The following DLGAP1 variants were observed in gnomAD, a reference collection of about 807,000 sequenced individuals.
DLGAP1 encodes the protein disks large-associated protein 1.
In DLGAP1, 11 loss-of-function variants were observed where a neutral mutation model predicts 90.8. That is an observed-to-expected ratio of 0.12 (90% CI 0.08 to 0.20). The LOEUF (loss-of-function observed/expected upper bound fraction) is 0.20. Among genes scored for constraint, DLGAP1 ranks in the 10% least tolerant of loss-of-function variants. The probability of loss-of-function intolerance (pLI) is 1.00; values close to 1 mark genes in which losing one functional copy is unlikely to be tolerated. For synonymous variants in DLGAP1, 558 were observed against 540.7 expected, an observed-to-expected ratio of 1.03 and a Z score of -0.44; for missense variants, 1,050 against 1,333.8, an observed-to-expected ratio of 0.79 and a Z score of 3.31.
intron 7 of DLGAP1, among the ~76,000 whole-genome samples, chr18:3,623,672 G>A (rs911788199): frequency 5.9e-5 from 9 of 151,562 alleles, no homozygotes; most frequent in Non-Finnish European, 1.2e-4. Context: ...AGCTACTCAG[G>A]AGCCTGAGGC....
intron 7 of DLGAP1, among the ~76,000 whole-genome samples, chr18:3,600,847 G>GATATATAGATATATAGATATATAGAT (rs2056917928): frequency 3.7e-5 from 1 of 27,322 alleles, no homozygotes; most frequent in Non-Finnish European, 7.9e-5. Context: ...GATATATATA[G>GATATATAGATATATAGATATATAGAT]ATATATAGAT....
At chr18:4,348,644 A>C (rs993515429) in intron 1 of DLGAP1, among the ~76,000 whole-genome samples, 1 of 152,062 alleles carries the variant, frequency 6.6e-6, no homozygotes, top group African/African-American at 2.4e-5. Flanking sequence ...GAATGGGTAG[A>C]TATTAGCGGG....
chr18:3,726,264 T>C (rs1426324011), intron 7 of DLGAP1, among the ~76,000 whole-genome samples: 1 of 152,248 alleles, frequency 6.6e-6, no homozygotes, highest in Non-Finnish European at 1.5e-5. Flanking sequence ...AAGTCATTTC[T>C]CAATTTTCAT....
At chr18:3,688,210 C>T (rs1377126497) in intron 7 of DLGAP1, among the ~76,000 whole-genome samples, 1 of 151,938 alleles carries the variant, frequency 6.6e-6, no homozygotes, top group Non-Finnish European at 1.5e-5. Flanking sequence ...CGCACCCGGC[C>T]CAGAGACTGT....
chr18:3,996,275 G>C (rs2074068280), intron 3 of DLGAP1, among the ~76,000 whole-genome samples: 1 of 151,986 alleles, frequency 6.6e-6, no homozygotes, highest in Non-Finnish European at 1.5e-5. Flanking sequence ...TAAAAACAAA[G>C]GCTTTCTACT....
intron 7 of DLGAP1, among the ~76,000 whole-genome samples, chr18:3,628,801 T>C (rs78447439): frequency 0.015 from 2,214 of 152,330 alleles, 63 homozygotes; most frequent in African/African-American, 0.05. Context: ...TTCACCTATA[T>C]TGTAATTACA....
intron 5 of DLGAP1, among the ~76,000 whole-genome samples, chr18:3,792,311 T>C (rs1384267709): frequency 6.6e-6 from 1 of 152,008 alleles, no homozygotes; most frequent in East Asian, 1.9e-4. Context: ...TGAAACCCTG[T>C]CTCTACTAAA....
At chr18:3,501,567 G>A (rs1488005485) in intron 12 of DLGAP1, among the ~76,000 whole-genome samples, 3 of 152,190 alleles carry the variant, frequency 2.0e-5, no homozygotes, top group South Asian at 2.1e-4. Flanking sequence ...TTGACCCCAA[G>A]AACCCTGAAA....
At chr18:4,086,782 A>G (rs929735342) in intron 2 of DLGAP1, among the ~76,000 whole-genome samples, 3 of 151,756 alleles carry the variant, frequency 2.0e-5, no homozygotes, top group Non-Finnish European at 4.4e-5. Flanking sequence ...AAGTCAGGTC[A>G]AGTTTGTTGA....
At chr18:4,011,275 C>A (rs567741820) in intron 2 of DLGAP1, among the ~76,000 whole-genome samples, 7 of 151,854 alleles carry the variant, frequency 4.6e-5, no homozygotes, top group Middle Eastern at 3.4e-3. Flanking sequence ...TTTATAAGTG[C>A]CACCGGAAGG....
intron 3 of DLGAP1, among the ~76,000 whole-genome samples, chr18:3,975,861 C>T (rs1017510984): frequency 2.0e-5 from 3 of 152,098 alleles, no homozygotes; most frequent in South Asian, 2.1e-4. Flanking sequence ...ACATGAGGTA[C>T]CTAGAGAAAT....
intron 3 of DLGAP1, among the ~76,000 whole-genome samples, chr18:3,996,168 A>C (rs1320405891): frequency 6.6e-6 from 1 of 152,116 alleles, no homozygotes; most frequent in African/African-American, 2.4e-5. Flanking sequence ...TACATATCTA[A>C]GTGGCTTTGT....
rs1346560210 is a variant in DLGAP1, at chr18:4,005,846, T to G, written c.-158-645A>C. ...TTCTCAACCTTGGTTCTGCATCAAATGTATTGGTAATTTTTTTTTATCTGT... is the reference window on the plus strand; with the variant it reads ...TTCTCAACCTTGGTTCTGCATCAAAGGTATTGGTAATTTTTTTTTATCTGT... On this transcript the variant is annotated intron_variant, in intron 2 of 12. Transcript: ENST00000315677. Among the ~76,000 whole-genome samples, 6 of 152,182 alleles carry G rather than the reference T, an allele frequency of 3.9e-5. No individual in the cohort carries two copies. The South Asian group carries it at 1.0e-3, about 26-fold the overall frequency.
intron 1 of DLGAP1, among the ~76,000 whole-genome samples, chr18:4,400,023 A>T (rs571619599): frequency 1.6e-4 from 25 of 152,114 alleles, no homozygotes; most frequent in Middle Eastern, 3.2e-3. Context: ...CAAATCGAGG[A>T]TCTGCAGTGA....
chr18:3,646,333 C>T (rs747006559), intron 7 of DLGAP1, among the ~76,000 whole-genome samples: 2 of 151,958 alleles, frequency 1.3e-5, no homozygotes, highest in Non-Finnish European at 2.9e-5. Context: ...GTCAAGGCTA[C>T]AGTGAGCTGA....
chr18:4,380,524 T>C (rs752494116), intron 1 of DLGAP1, among the ~76,000 whole-genome samples: 2 of 152,288 alleles, frequency 1.3e-5, no homozygotes, highest in Admixed American at 6.5e-5. Context: ...AGATGATCTA[T>C]GTGAAGGTTG....
At chr18:3,995,073 T>C (rs2149060565) in intron 3 of DLGAP1, 1 of 152,272 alleles carries the variant, frequency 6.6e-6, no homozygotes, top group East Asian at 1.9e-4. Context: ...GCCCTTAAAA[T>C]AGGCAACAAC....
intron 1 of DLGAP1, among the ~76,000 whole-genome samples, chr18:4,335,414 T>C (rs1004244323): frequency 6.6e-6 from 1 of 151,994 alleles, no homozygotes; most frequent in Non-Finnish European, 1.5e-5. Context: ...ACAGTATCAG[T>C]AATAAAAATT....
chr18:4,061,813 G>A (rs748486044), intron 2 of DLGAP1, among the ~76,000 whole-genome samples: 39 of 151,934 alleles, frequency 2.6e-4, no homozygotes, highest in Non-Finnish European at 4.3e-4. Context: ...TATCAGCTGT[G>A]TCTTTGACTG....
Sources: gnomAD v4.1 joint callset for allele counts (sites outside exome capture counted in the v4.1 genomes callset) on GRCh38, gnomAD v4.1.1 for gene constraint, MANE v1.5 for transcripts, NCBI Gene and HGNC (gene_info 2026-07-23, HGNC 2026-07-21) for gene names.